The following GPC5 variants were observed in gnomAD, a reference collection of about 807,000 sequenced individuals.
The protein encoded by GPC5 is glypican 5, also known as glypican-5.
GPC5 carries 47 observed loss-of-function variants against 53.9 expected under a neutral mutation model. The ratio of observed to expected loss-of-function variants is 0.87; its 90% CI spans 0.69 to 1.11. GPC5 has a LOEUF of 1.11. GPC5 is among the 50% of genes most tolerant of loss of function. The probability of loss-of-function intolerance (pLI) is 0.00; values close to 1 mark genes in which losing one functional copy is unlikely to be tolerated. For missense variants in GPC5, 748 were observed against 713.1 expected, an observed-to-expected ratio of 1.05 and a Z score of -0.56; for synonymous variants, 286 against 263.3, an observed-to-expected ratio of 1.09 and a Z score of -0.84.
In GPC5 at chr13:92,552,566, A is replaced by G. The variant is rs76507211; in HGVS notation, c.1562-313716A>G. Among the ~76,000 whole-genome samples, 685 of 152,028 alleles carry G rather than the reference A, an allele frequency of 4.5e-3. 6 individuals carry two copies. The highest frequency in any genetic ancestry group is 0.015 in the African/African-American group (632 of 41,526). ...GACATCAAAATGTTAATTATTTCAG[A>G]AGAAGTCATGAATATTAAAAGAATT... is the stretch of plus-strand genomic sequence containing the variant. On this transcript the variant is annotated intron_variant, in intron 7 of 7. Transcript: ENST00000377067.
At chr13:91,512,409 T>G (rs190014241) in intron 2 of GPC5, among the ~76,000 whole-genome samples, 1 of 152,304 alleles carries the variant, frequency 6.6e-6, no homozygotes, top group Admixed American at 6.5e-5. Flanking sequence ...GGGGGGATTT[T>G]TTCAGCTTTC....
At position 92,663,887 on chromosome 13, in the gene GPC5, TATATATATATATATATACAC is replaced by T. The variant is rs1243610797; in HGVS notation, c.1562-202393_1562-202374del. ...ATATATATATATATATATATATATA[TATATATATATATATATACAC>T]ACACACACACAAAAATTAGCTCGGC... On this transcript the variant is annotated intron_variant, in intron 7 of 7. Coordinates refer to ENST00000377067, the MANE Select transcript of GPC5 (RefSeq NM_004466.6). Among the ~76,000 whole-genome samples the T allele has an allele frequency of 8.3e-3, 188 of 22,600 alleles. 3 individuals are homozygous for T. Among genetic ancestry groups the T allele is most frequent in the South Asian group, 0.046 (22 of 476 alleles). 14.8% of individuals were successfully genotyped at this position (22,600 alleles called of 152,430 possible).
chr13:92,447,215 G>C (rs141175685), intron 7 of GPC5: 5 of 152,190 alleles, frequency 3.3e-5, no homozygotes, highest in Admixed American at 2.6e-4. Flanking sequence ...GCCTAGTCCA[G>C]TGTCCTGAAG....
At chr13:92,519,891 T>C (rs1277465791) in intron 7 of GPC5, among the ~76,000 whole-genome samples, 4 of 147,384 alleles carry the variant, frequency 2.7e-5, no homozygotes, top group Admixed American at 1.4e-4. Flanking sequence ...GCAAGACTAA[T>C]AAAAAAGAAA....
intron 2 of GPC5, among the ~76,000 whole-genome samples, chr13:91,552,103 T>A (rs2030673972): frequency 6.6e-6 from 1 of 152,054 alleles, no homozygotes; most frequent in African/African-American, 2.4e-5. Flanking sequence ...ATTGTGAACA[T>A]TATGTACTGT....
At chr13:92,599,687 G>A (rs557744901) in intron 7 of GPC5, among the ~76,000 whole-genome samples, 2 of 152,224 alleles carry the variant, frequency 1.3e-5, no homozygotes, top group South Asian at 2.1e-4. Context: ...GCTGATAAGC[G>A]GTTGAAGGAC....
rs76854222 is a variant in GPC5 at position 92,627,535 on chromosome 13, T to A, written c.1562-238747T>A. 2.0e-3 allele frequency among the ~76,000 whole-genome samples: 312 copies of A among 152,324 alleles called. 1 individual carries two copies. The highest frequency in any genetic ancestry group is 7.4e-3 in the African/African-American group (308 of 41,578). On this transcript the variant is annotated intron_variant, in intron 7 of 7. Coordinates refer to ENST00000377067, the MANE Select transcript of GPC5 (RefSeq NM_004466.6). ...TGAACTTCTAAAATATGCACTAATA[T>A]CTACTGTTGCTGTACTACAACATAT...
intron 7 of GPC5, among the ~76,000 whole-genome samples, chr13:92,695,447 C>A (rs1198646362): frequency 6.6e-6 from 1 of 152,028 alleles, no homozygotes; most frequent in Non-Finnish European, 1.5e-5. Flanking sequence ...TTAGCCTTTT[C>A]TATGGGTGAT....
intron 7 of GPC5, among the ~76,000 whole-genome samples, chr13:92,645,370 C>A (rs1885734263): frequency 6.6e-6 from 1 of 152,164 alleles, no homozygotes; most frequent in Non-Finnish European, 1.5e-5. Flanking sequence ...GTCTCGAACT[C>A]CTGACTGGGA....
intron 7 of GPC5, chr13:92,240,873 G>T (rs185300785): frequency 2.2e-4 from 33 of 152,006 alleles, no homozygotes; most frequent in African/African-American, 6.0e-4. Flanking sequence ...AAAAAGTGTG[G>T]AAGAAAAAAA....
intron 6 of GPC5, among the ~76,000 whole-genome samples, chr13:91,977,133 C>A (rs753125990): frequency 6.6e-6 from 1 of 151,902 alleles, no homozygotes; most frequent in South Asian, 2.1e-4. Flanking sequence ...CAGTAAACAT[C>A]GTTCTATGGA....
chr13:91,425,667 C>T (rs1006892446), intron 1 of GPC5, among the ~76,000 whole-genome samples: 1 of 152,162 alleles, frequency 6.6e-6, no homozygotes, highest in African/African-American at 2.4e-5. Context: ...ATTACCCAGT[C>T]TTGGGTATGT....
chr13:92,395,847 A>T (rs1352344757), intron 7 of GPC5, among the ~76,000 whole-genome samples: 2 of 146,156 alleles, frequency 1.4e-5, no homozygotes, highest in Admixed American at 6.8e-5. Context: ...TTCTTTCAGG[A>T]TTTTCTCTTT....
intron 7 of GPC5, among the ~76,000 whole-genome samples, chr13:92,497,062 CA>C (rs1880006440): frequency 6.6e-6 from 1 of 152,144 alleles, no homozygotes; most frequent in Admixed American, 6.5e-5. Flanking sequence ...GTTGCCTGTT[CA>C]TTCTGATGAT....
At chr13:92,578,436 G>A (rs1469920751) in intron 7 of GPC5, among the ~76,000 whole-genome samples, 2 of 152,024 alleles carry the variant, frequency 1.3e-5, no homozygotes, top group South Asian at 4.2e-4. Context: ...AGAAATACAT[G>A]GGGAGATACC....
intron 6 of GPC5, among the ~76,000 whole-genome samples, chr13:92,044,708 T>C (rs1406371626): frequency 1.3e-5 from 2 of 152,184 alleles, no homozygotes; most frequent in African/African-American, 2.4e-5. Context: ...TTTAATATAA[T>C]TTGAAATATA....
chr13:91,745,044 A>T (rs547958333), intron 4 of GPC5, among the ~76,000 whole-genome samples: 7 of 152,246 alleles, frequency 4.6e-5, no homozygotes, highest in African/African-American at 1.7e-4. Flanking sequence ...GACTGGTTTT[A>T]AATCTTGAAC....
intron 7 of GPC5, among the ~76,000 whole-genome samples, chr13:92,565,018 G>A (rs777832335): frequency 2.6e-5 from 4 of 151,972 alleles, no homozygotes; most frequent in Non-Finnish European, 4.4e-5. Context: ...TACTCTTCTT[G>A]TATTCACTTT....
chr13:91,515,259 CTT>C (rs1885435608), intron 2 of GPC5, among the ~76,000 whole-genome samples: 1 of 151,294 alleles, frequency 6.6e-6, no homozygotes, highest in South Asian at 2.1e-4. Context: ...TTTATGCAAA[CTT>C]GTTCATTTTT....
Sources: allele counts gnomAD v4.1 joint callset (sites outside exome capture counted in the v4.1 genomes callset), GRCh38; gene constraint gnomAD v4.1.1; transcripts MANE v1.5; gene names NCBI Gene and HGNC (gene_info 2026-07-23, HGNC 2026-07-21).